The following MAGI3 variants were observed in gnomAD, a reference collection of about 807,000 sequenced individuals.
MAGI3 encodes the protein membrane-associated guanylate kinase, WW and PDZ domain-containing protein 3.
A neutral mutation model predicts 121.8 loss-of-function variants in MAGI3; 43 were observed. The observed-to-expected ratio is 0.35, with a 90% CI of 0.28 to 0.46. The LOEUF is 0.46. Ranked by LOEUF, MAGI3 falls within the 20% of genes least tolerant of loss-of-function variation. The pLI, the probability that MAGI3 is intolerant of heterozygous loss-of-function variation, is 1.00. For synonymous variants in MAGI3, 553 were observed against 639.3 expected, an observed-to-expected ratio of 0.86 and a Z score of 2.04; for missense variants, 1,547 against 1,797.3, an observed-to-expected ratio of 0.86 and a Z score of 2.52.
intron 6 of MAGI3, among the ~76,000 whole-genome samples, chr1:113,604,565 C>CAAAAAAAAAAAAAAA (rs59047770): frequency 1.3e-4 from 8 of 62,008 alleles, no homozygotes; most frequent in South Asian, 9.4e-4. Flanking sequence ...GTCTCCATCT[C>CAAAAAAAAAAAAAAA]AAAAAAAAAA....
At position 113,485,763 on chromosome 1, in the gene MAGI3, C is replaced by T. The variant is rs184172660; in HGVS notation, c.317-63752C>T. Among the ~76,000 whole-genome samples the T allele has an allele frequency of 9.8e-4, 149 of 152,224 alleles. 1 individual carries two copies. Among genetic ancestry groups the T allele is most frequent in the Middle Eastern group, 3.4e-3 (1 of 294 alleles). The stretch of plus-strand genomic sequence containing the variant: ...TAAGCCAATGTCTAGAAGGGTTTTT[C>T]CAATGTTATCTTCTAGAATCTTTAT... On this transcript the variant is annotated intron_variant, in intron 1 of 20. Transcript: ENST00000307546.
chr1:113,506,812 C>T (rs534673268), intron 1 of MAGI3, among the ~76,000 whole-genome samples: 5 of 152,228 alleles, frequency 3.3e-5, no homozygotes, highest in South Asian at 2.1e-4. Flanking sequence ...CCTGGCACAC[C>T]GGCATGAATG....
intron 1 of MAGI3, among the ~76,000 whole-genome samples, chr1:113,428,579 C>G (rs1258250822): frequency 6.6e-6 from 1 of 152,022 alleles, no homozygotes; most frequent in Non-Finnish European, 1.5e-5. Flanking sequence ...TTTCTAATGA[C>G]CATATCTTAA....
chr1:113,641,057 AT>A, intron 9 of MAGI3, among the ~76,000 whole-genome samples: 1 of 101,376 alleles, frequency 9.9e-6, no homozygotes, highest in Non-Finnish European at 1.9e-5. Context: ...ATGATATATT[AT>A]ATATGATATA....
At chr1:113,618,849 T>C (rs1650646641) in intron 7 of MAGI3, among the ~76,000 whole-genome samples, 1 of 152,222 alleles carries the variant, frequency 6.6e-6, no homozygotes, top group Non-Finnish European at 1.5e-5. Context: ...TGCTGAAATA[T>C]ATTTGTACTA....
chr1:113,428,712 T>C (rs531326604), intron 1 of MAGI3, among the ~76,000 whole-genome samples: 5 of 152,350 alleles, frequency 3.3e-5, no homozygotes, highest in East Asian at 3.9e-4. Context: ...TTTGGTACTA[T>C]GTCTTTGAAA....
At position 113,659,116 on chromosome 1, in the gene MAGI3, G is replaced by C. The variant is rs565462939; in HGVS notation, c.2666G>C (p.Ser889Thr). 35 of 1,613,640 alleles carry C rather than the reference G, an allele frequency of 2.2e-5. No homozygotes were observed. The East Asian group carries it at 7.8e-4, about 36-fold the overall frequency. Residue 889 changes from serine (S) to threonine (T), a missense_variant, in exon 16 of 21, where the codon AGT (serine) becomes ACT (threonine). Physicochemically the swap from Ser to Thr is moderately conservative, Grantham distance 58. Transcript: ENST00000307546. The part of the protein sequence containing the change: ...PHKIGRVIEG[S>T]PADRCGKLKV... ...AAAATTGGCCGAGTCATAGAAGGAA[G>C]TCCGGCTGACCGCTGTGGAAAACTG...
chr1:113,447,924 C>A (rs929230675), intron 1 of MAGI3, among the ~76,000 whole-genome samples: 1 of 152,058 alleles, frequency 6.6e-6, no homozygotes, highest in Admixed American at 6.6e-5. Context: ...CAAAGGAAAC[C>A]CATATTCATT....
chr1:113,643,984 A>T (rs1652693184), intron 11 of MAGI3, among the ~76,000 whole-genome samples: 1 of 152,180 alleles, frequency 6.6e-6, no homozygotes, highest in African/African-American at 2.4e-5. Flanking sequence ...AAGTATTGCA[A>T]CTGGAGGATT....
intron 1 of MAGI3, among the ~76,000 whole-genome samples, chr1:113,408,658 A>G (rs1651814216): frequency 6.6e-6 from 1 of 152,108 alleles, no homozygotes; most frequent in Admixed American, 6.6e-5. Flanking sequence ...TTTTGAGGAA[A>G]TTAACCCAAT....
chr1:113,449,240 G>A (rs533011106), intron 1 of MAGI3, among the ~76,000 whole-genome samples: 3 of 152,208 alleles, frequency 2.0e-5, no homozygotes, highest in South Asian at 2.1e-4. Flanking sequence ...GTTGCTGATC[G>A]TAATTGATGA....
intron 1 of MAGI3, among the ~76,000 whole-genome samples, chr1:113,507,521 A>AT (rs971280111): frequency 2.6e-5 from 4 of 151,990 alleles, no homozygotes; most frequent in African/African-American, 4.8e-5. Flanking sequence ...TATCCTGTTG[A>AT]TTTTTTTCTT....
chr1:113,475,107 A>T lies in MAGI3; in HGVS notation c.317-74408A>T, dbSNP rs572014068. On this transcript the variant is annotated intron_variant, in intron 1 of 20. Coordinates refer to ENST00000307546, the MANE Select transcript of MAGI3 (RefSeq NM_001142782.2). Reference sequence around the variant, plus strand: ...GATTTTGTATCCTGAGACTTTGCTGAAGTTGCTTATCAGCTTAAGAAGATT... The same window carrying T: ...GATTTTGTATCCTGAGACTTTGCTGTAGTTGCTTATCAGCTTAAGAAGATT... Among the ~76,000 whole-genome samples, 8 of 152,314 alleles carry T rather than the reference A, an allele frequency of 5.3e-5. No individual in the cohort carries two copies. The South Asian group carries it at 1.7e-3, about 32-fold the overall frequency.
intron 19 of MAGI3, 68 bp from the exon 20 acceptor site, chr1:113,681,130 G>A: frequency 6.4e-7 from 1 of 1,566,524 alleles, no homozygotes; most frequent in Non-Finnish European, 8.7e-7. Context: ...TGGCTCAAGA[G>A]CTGACAAAAG....
chr1:113,547,296 A>T (rs201931521), intron 1 of MAGI3, among the ~76,000 whole-genome samples: 6 of 90,782 alleles, frequency 6.6e-5, no homozygotes, highest in South Asian at 3.6e-4. Flanking sequence ...CTTCAAATTT[A>T]AAAAAAAAAG....
Position 113,659,151 on chromosome 1 carries a change from G to C in MAGI3, c.2701G>C (p.Asp901His). ...ADRCGKLKVG[D>H]HISAVNGQSI... ...CCGCTGTGGAAAACTGAAAGTTGGA[G>C]ATCATATCTCTGCAGTGAATGGGCA... is the stretch of plus-strand genomic sequence containing the variant. The change falls in exon 16 of 21, where the codon GAT becomes CAT. Residue 901 changes from aspartate (D) to histidine (H), a missense_variant. Transcript: ENST00000307546. The C allele has an allele frequency of 6.2e-7, 1 of 1,614,080 alleles. No individual in the cohort carries two copies. Among genetic ancestry groups the C allele is most frequent in the Non-Finnish European group, 8.5e-7 (1 of 1,179,978 alleles).
chr1:113,512,273 T>C (rs1657652134), intron 1 of MAGI3, among the ~76,000 whole-genome samples: 1 of 152,206 alleles, frequency 6.6e-6, no homozygotes, highest in Non-Finnish European at 1.5e-5. Flanking sequence ...ATTAATCTTC[T>C]ATTATAATGT....
intron 2 of MAGI3, among the ~76,000 whole-genome samples, chr1:113,570,891 G>A (rs954508688): frequency 3.3e-5 from 5 of 152,090 alleles, no homozygotes; most frequent in Admixed American, 6.6e-5. Context: ...AAGCTCTTTA[G>A]TTTAATTAGA....
At chr1:113,423,035 G>A (rs899906803) in intron 1 of MAGI3, among the ~76,000 whole-genome samples, 4 of 152,112 alleles carry the variant, frequency 2.6e-5, no homozygotes, top group Non-Finnish European at 5.9e-5. Context: ...TTGGTGAGCC[G>A]ACCAAGAATG....
Sources: gnomAD v4.1 joint callset for allele counts (sites outside exome capture counted in the v4.1 genomes callset) on GRCh38, gnomAD v4.1.1 for gene constraint, MANE v1.5 for transcripts, NCBI Gene and HGNC (gene_info 2026-07-23, HGNC 2026-07-21) for gene names.